Variants in ZFHX3 observed in about 807,000 individuals in gnomAD.
ZFHX3 encodes zinc finger homeobox 3.
A neutral mutation model predicts 279.1 loss-of-function variants in ZFHX3; 42 were observed. That is an observed-to-expected ratio of 0.15 (90% CI 0.12 to 0.19). The LOEUF (loss-of-function observed/expected upper bound fraction) is 0.19. Ranked by LOEUF, ZFHX3 falls within the 10% of genes least tolerant of loss-of-function variation. The probability of loss-of-function intolerance (pLI) is 1.00; values close to 1 mark genes in which losing one functional copy is unlikely to be tolerated. For synonymous variants in ZFHX3, 2,293 were observed against 1,957.8 expected (o/e 1.17, Z -4.52); for missense variants, 4,981 against 4,754.0 (o/e 1.05, Z -1.40).
Position 73,833,176 on chromosome 16 carries a change from G to A in ZFHX3, c.-1608+58475C>T, listed in dbSNP as rs147755708. ...CCAGGAGTTCTAGACCAGCCCAGGC[G>A]ACGTAGCAAGACCTCATCTCTACAA... On this transcript the variant is annotated intron_variant, in intron 1 of 17. Transcript: ENST00000641206. Among the ~76,000 whole-genome samples the A allele has an allele frequency of 3.3e-3, 509 of 152,170 alleles. 2 individuals carry two copies. Among genetic ancestry groups the A allele is most frequent in the African/African-American group, 0.012 (483 of 41,532 alleles).
rs753520816 is a variant in ZFHX3, at chr16:72,875,835, C to T, written c.3448+13896G>A. The stretch of plus-strand genomic sequence containing the variant: ...TTATCAGGTGATGCAACAACCTGCC[C>T]GGTCCCAGGGCTGGAATTCCAAACA... On this transcript the variant is annotated intron_variant, in intron 4 of 9. Coordinates refer to ENST00000268489, the MANE Select transcript of ZFHX3 (RefSeq NM_006885.4). Among the ~76,000 whole-genome samples, 10 of 152,138 alleles carry T rather than the reference C, an allele frequency of 6.6e-5. No homozygotes were observed. The East Asian group carries it at 9.6e-4, about 15-fold the overall frequency.
chr16:73,503,639 G>A (rs1352612189), intron 2 of ZFHX3, among the ~76,000 whole-genome samples: 2 of 152,076 alleles, frequency 1.3e-5, no homozygotes, highest in African/African-American at 4.8e-5. Flanking sequence ...TCCTGAATAG[G>A]GGAATGGGGG....
At chr16:73,693,500 C>T (rs1004740317) in intron 1 of ZFHX3, among the ~76,000 whole-genome samples, 40 of 151,764 alleles carry the variant, frequency 2.6e-4, no homozygotes, top group African/African-American at 8.7e-4. Context: ...CTCCCAGCAC[C>T]GCGGCAGGCA....
chr16:73,364,248 C>A (rs960712421), intron 3 of ZFHX3, among the ~76,000 whole-genome samples: 1 of 151,458 alleles, frequency 6.6e-6, no homozygotes, highest in African/African-American at 2.4e-5. Context: ...AATGCCGTCT[C>A]ATCCTGGTAC....
intron 1 of ZFHX3, among the ~76,000 whole-genome samples, chr16:73,784,731 G>A (rs1336504451): frequency 6.7e-6 from 1 of 150,288 alleles, no homozygotes; most frequent in Non-Finnish European, 1.5e-5. Flanking sequence ...TGGTGAAAGA[G>A]TAAGACTATG....
chr16:73,735,913 T>TGTTTGTTTGTTTG (rs1567565777), intron 1 of ZFHX3, among the ~76,000 whole-genome samples: 13 of 151,856 alleles, frequency 8.6e-5, no homozygotes, highest in African/African-American at 3.2e-4. Context: ...TTTTTTTTTT[T>TGTTTGTTTGTTTG]TTTAATGCTC....
At chr16:73,298,847 C>T (rs557088453) in intron 4 of ZFHX3, among the ~76,000 whole-genome samples, 9 of 152,268 alleles carry the variant, frequency 5.9e-5, no homozygotes, top group East Asian at 1.9e-4. Context: ...TGATGCCTGA[C>T]GTAAGGTAAG....
chr16:73,200,253 A>T (rs191694624), intron 5 of ZFHX3, among the ~76,000 whole-genome samples: 3 of 152,272 alleles, frequency 2.0e-5, no homozygotes, highest in African/African-American at 7.2e-5. Flanking sequence ...TCCTATCCAG[A>T]CTTCATTATT....
At chr16:73,840,668 T>A (rs1411156180) in intron 1 of ZFHX3, among the ~76,000 whole-genome samples, 1 of 152,220 alleles carries the variant, frequency 6.6e-6, no homozygotes, top group East Asian at 1.9e-4. Context: ...CAAGGCACTG[T>A]ACAGTTGTGG....
intron 3 of ZFHX3, among the ~76,000 whole-genome samples, chr16:72,944,375 C>A (rs1212053331): frequency 6.6e-6 from 1 of 152,158 alleles, no homozygotes; most frequent in African/African-American, 2.4e-5. Flanking sequence ...CAGATACATA[C>A]ACACATGCAT....
chr16:72,884,485 A>T (rs929188618), intron 4 of ZFHX3, among the ~76,000 whole-genome samples: 1 of 152,218 alleles, frequency 6.6e-6, no homozygotes, highest in Non-Finnish European at 1.5e-5. Context: ...GTGATCAGCT[A>T]TGTTCTCCAA....
intron 3 of ZFHX3, among the ~76,000 whole-genome samples, chr16:73,416,611 C>T (rs75111494): frequency 5.3e-5 from 8 of 152,110 alleles, no homozygotes; most frequent in Non-Finnish European, 7.4e-5. Context: ...CGGTGGCTCA[C>T]GCCTGTAATC....
intron 2 of ZFHX3, among the ~76,000 whole-genome samples, chr16:73,592,487 A>G (rs1453983910): frequency 6.6e-6 from 1 of 152,186 alleles, no homozygotes; most frequent in African/African-American, 2.4e-5. Context: ...TCCAAAATAA[A>G]GTATAAAAAA....
At chr16:73,617,639 G>A (rs1290597134) in intron 2 of ZFHX3, among the ~76,000 whole-genome samples, 5 of 152,076 alleles carry the variant, frequency 3.3e-5, no homozygotes, top group African/African-American at 1.2e-4. Flanking sequence ...ACAGTCATTT[G>A]AGCCATTATT....
intron 1 of ZFHX3, among the ~76,000 whole-genome samples, chr16:73,772,929 C>T (rs2054034998): frequency 6.6e-6 from 1 of 152,192 alleles, no homozygotes; most frequent in South Asian, 2.1e-4. Context: ...CTGCAGAGAT[C>T]TCAGAGCATT....
intron 3 of ZFHX3, among the ~76,000 whole-genome samples, chr16:72,930,193 G>C: frequency 6.6e-6 from 1 of 152,170 alleles, no homozygotes; most frequent in East Asian, 1.9e-4. Context: ...ACTCCAGCTT[G>C]TGTGACAAGA....
In ZFHX3 at chr16:72,795,052, G is replaced by A. The variant is rs774055500; in HGVS notation, c.7630C>T (p.His2544Tyr). The A allele has an allele frequency of 1.2e-6, 2 of 1,614,174 alleles. No homozygotes were observed. Among genetic ancestry groups the A allele is most frequent in the African/African-American group, 1.3e-5 (1 of 75,046 alleles). The change falls in exon 9 of 10, where the codon CAC (histidine) becomes TAC (tyrosine). Residue 2544 changes from histidine (H) to tyrosine (Y), a missense_variant. By Grantham distance (83) the His-to-Tyr change is moderately conservative. Transcript: ENST00000268489. ...QCKLAFPSFE[H>Y]WQEHQQLHFL... The stretch of plus-strand genomic sequence containing the variant: ...TGGAGCTGCTGATGCTCCTGCCAGT[G>A]CTCAAATGACGGAAATGCCAACTTA...
rs1307809984 is a variant in ZFHX3, at chr16:73,376,415, G to A, written c.-1290-58079C>T. On this transcript the variant is annotated intron_variant, in intron 3 of 17. Transcript: ENST00000641206. Reference sequence around the variant, plus strand: ...TCTCTGACCTTCACTCAGCTCGTCCGTAGAATTTTTCAGCCATGTCAGCAA... The same window carrying A: ...TCTCTGACCTTCACTCAGCTCGTCCATAGAATTTTTCAGCCATGTCAGCAA... Among the ~76,000 whole-genome samples, 4 of 152,202 alleles carry A rather than the reference G, an allele frequency of 2.6e-5. No homozygotes were observed. In the East Asian group the frequency reaches 5.8e-4, roughly 22 times the overall value.
chr16:73,367,932 G>C (rs1220522788), intron 3 of ZFHX3, among the ~76,000 whole-genome samples: 1 of 149,174 alleles, frequency 6.7e-6, no homozygotes, highest in African/African-American at 2.5e-5. Flanking sequence ...GCAGTGGCAT[G>C]GTCTCAGCTC....
Sources: allele counts gnomAD v4.1 joint callset (sites outside exome capture counted in the v4.1 genomes callset), GRCh38; gene constraint gnomAD v4.1.1; transcripts MANE v1.5; gene names NCBI Gene and HGNC (gene_info 2026-07-23, HGNC 2026-07-21).